C19orf25: variants seen among roughly 807,000 people sequenced by gnomAD.
The protein encoded by C19orf25 is chromosome 19 open reading frame 25, also known as UPF0449 protein C19orf25.
A neutral mutation model predicts 3.1 loss-of-function variants in C19orf25; 1 was observed. The observed-to-expected ratio is 0.32, with a 90% CI of 0.12 to 1.54. The LOEUF (loss-of-function observed/expected upper bound fraction) is 1.54. C19orf25 is among the 40% of genes most tolerant of loss of function. The pLI, the probability that C19orf25 is intolerant of heterozygous loss-of-function variation, is 0.38. For missense variants in C19orf25, 196 were observed against 160.4 expected, an observed-to-expected ratio of 1.22 and a Z score of -1.20; for synonymous variants, 91 against 74.3, an observed-to-expected ratio of 1.23 and a Z score of -1.16.
At chr19:1,477,413 A>G (rs572340287) in intron 2 of C19orf25, among the ~76,000 whole-genome samples, 1 of 152,380 alleles carries the variant, frequency 6.6e-6, no homozygotes, top group East Asian at 1.9e-4. Flanking sequence ...CCCAGCACAC[A>G]GGAAGTGCTC....
rs189166674 is a variant in C19orf25, at chr19:1,478,000, C to T, written c.130+774G>A. Among the ~76,000 whole-genome samples the T allele has an allele frequency of 4.1e-3, 626 of 152,136 alleles. 2 individuals carry two copies. The highest frequency in any genetic ancestry group is 0.014 in the African/African-American group (562 of 41,504). On this transcript the variant is annotated intron_variant, in intron 2 of 2. Coordinates refer to ENST00000585675, the MANE Select transcript of C19orf25 (RefSeq NM_152482.3). ...GATTACAGGCCCATGCCACCACACC[C>T]GGCTAATTTTTGTATTTTTAGTAGA...
rs983680806 is a variant in C19orf25 at position 1,479,168 on chromosome 19, C to T, written c.-8G>A. ...AGTCGCCGGCCTCTTCCCACCTGGG[C>T]GCGGGACCCGAAAGCCCAGCGTCGA... On this transcript the variant is annotated 5_prime_UTR_variant, in exon 1 of 3. Transcript: ENST00000585675. 1 of 1,278,260 alleles carries T rather than the reference C, an allele frequency of 7.8e-7. No individual in the cohort carries two copies. Among genetic ancestry groups the T allele is most frequent in the Non-Finnish European group, 9.9e-7 (1 of 1,013,538 alleles). 79.2% of individuals were successfully genotyped at this position (1,278,260 alleles called of 1,614,324 possible).
In C19orf25 at chr19:1,475,125, C is replaced by T. The variant is rs2084191366; in HGVS notation, c.264G>A (p.Glu88=). 1.2e-6 allele frequency: 2 copies of T among 1,602,054 alleles called. No individual in the cohort carries two copies. Among genetic ancestry groups the T allele is most frequent in the East Asian group, 2.3e-5 (1 of 44,256 alleles). Residue 88 remains glutamate, a synonymous_variant, in exon 3 of 3, where the codon GAG becomes GAA. Transcript: ENST00000585675. ...QAGNVLRQRC[E]LLQRAGEDLE... is the part of the protein sequence containing the mutation. ...GGTCCTCGCCGGCTCGCTGCAGGAG[C>T]TCACACCTCTGCCTCAGCACGTTGC...
rs1054336230 is a variant in C19orf25 at position 1,478,799 on chromosome 19, T to C, written c.105A>G (p.Pro35=). The C allele has an allele frequency of 2.0e-5, 32 of 1,582,170 alleles. No homozygotes were observed. The highest frequency in any genetic ancestry group is 2.6e-5 in the Non-Finnish European group (30 of 1,165,286). The change falls in exon 2 of 3, where the codon CCA becomes CCG. Residue 35 remains proline (P), a synonymous_variant. Transcript: ENST00000585675. ...CTTCCGGGGCCAGGATGGTGAACACTGGATCCTCTGCCGGCGCACCCCGCA... is the reference window on the plus strand; with the variant it reads ...CTTCCGGGGCCAGGATGGTGAACACCGGATCCTCTGCCGGCGCACCCCGCA... The part of the protein sequence containing the change: ...EDVRGAPAED[P]VFTILAPEDP...
intron 2 of C19orf25, 164 bp downstream of exon 2, chr19:1,478,610 C>G (rs1224998901): frequency 7.1e-7 from 1 of 1,409,946 alleles, no homozygotes. Context: ...AAAATCGGTC[C>G]CACTCTACGG....
chr19:1,476,599 C>A (rs117544888), intron 2 of C19orf25: 5,219 of 313,742 alleles, frequency 0.017, 69 homozygotes, highest in Non-Finnish European at 0.024. Flanking sequence ...ATGTGTGGCT[C>A]CTGGGCACTT....
Position 1,479,162 on chromosome 19 carries a change from C to T in C19orf25, c.-3+1G>A. ...CACCCCAGTCGCCGGCCTCTTCCCA[C>T]CTGGGCGCGGGACCCGAAAGCCCAG... On this transcript the variant is annotated splice_donor_variant, in intron 1 of 2. Coordinates refer to ENST00000585675, the MANE Select transcript of C19orf25 (RefSeq NM_152482.3). LOFTEE classifies it low-confidence loss of function (5UTR_SPLICE). The T allele has an allele frequency of 1.6e-6, 2 of 1,280,034 alleles. No homozygotes were observed. The highest frequency in any genetic ancestry group is 2.0e-6 in the Non-Finnish European group (2 of 1,014,696). 79.3% of individuals were successfully genotyped at this position (1,280,034 alleles called of 1,614,324 possible). A position where few individuals can be genotyped will look rare whatever the true frequency, so the allele number is the denominator to read the frequency against.
In C19orf25 at chr19:1,474,701, A is replaced by T. The variant is rs754593314; in HGVS notation, c.*331T>A. 2.2e-5 allele frequency: 23 copies of T among 1,045,022 alleles called. No homozygotes were observed. Among genetic ancestry groups the T allele is most frequent in the South Asian group, 1.5e-4 (8 of 52,276 alleles). 64.7% of individuals were successfully genotyped at this position (1,045,022 alleles called of 1,614,324 possible). ...GAGTGCCTGCCCCGGGAGAGGAAGGAGGTGGCACCTGCTCCCAGGGGCCCC... is the reference window on the plus strand; with the variant it reads ...GAGTGCCTGCCCCGGGAGAGGAAGGTGGTGGCACCTGCTCCCAGGGGCCCC... On this transcript the variant is annotated 3_prime_UTR_variant, in exon 3 of 3. Transcript: ENST00000585675.
chr19:1,477,805 A>G (rs1311331325), intron 2 of C19orf25, among the ~76,000 whole-genome samples: 5 of 152,148 alleles, frequency 3.3e-5, no homozygotes, highest in Non-Finnish European at 7.3e-5. Flanking sequence ...GCCCTAGCTT[A>G]CCACCTCTGT....
intron 2 of C19orf25, among the ~76,000 whole-genome samples, chr19:1,476,725 T>C (rs923617854): frequency 8.5e-5 from 13 of 152,130 alleles, no homozygotes; most frequent in African/African-American, 3.1e-4. Flanking sequence ...CAAGCAACCC[T>C]CCTGCCTCAG....
In C19orf25 at chr19:1,475,261, G is replaced by C; in HGVS notation, c.131-3C>G. The C allele has an allele frequency of 1.3e-6, 2 of 1,544,718 alleles. No individual in the cohort carries two copies. The highest frequency in any genetic ancestry group is 2.4e-5 in the East Asian group (1 of 40,852). On this transcript the variant is annotated splice_polypyrimidine_tract_variant and splice_region_variant and intron_variant, in intron 2 of 2. Transcript: ENST00000585675. ...CATCCTGAAGGGAACTGGGGGGTCT[G>C]AGACAGGACACAGCAGCATCACTGC...
Position 1,478,624 on chromosome 19 carries a change from A to G in C19orf25, c.130+150T>C, listed in dbSNP as rs1436666024. The G allele has an allele frequency of 2.8e-6, 4 of 1,438,498 alleles. No individual in the cohort carries two copies. The East Asian group carries it at 8.2e-5, about 30-fold the overall frequency. 89.1% of individuals were successfully genotyped at this position (1,438,498 alleles called of 1,614,324 possible). On this transcript the variant is annotated intron_variant, in intron 2 of 2. Coordinates refer to ENST00000585675, the MANE Select transcript of C19orf25 (RefSeq NM_152482.3). ...GAAAATCGGTCCCACTCTACGGAGG[A>G]GTAGAGGGAGACTCGGAGAGGATAC... is the stretch of plus-strand genomic sequence containing the variant.
intron 2 of C19orf25, chr19:1,475,592 G>A (rs1456235773): frequency 7.2e-6 from 2 of 279,016 alleles, no homozygotes; most frequent in Non-Finnish European, 1.4e-5. Context: ...TGGAGGCAGA[G>A]GCAGGAGGAT....
chr19:1,476,418 G>A (rs917764686), intron 2 of C19orf25: 20 of 396,728 alleles, frequency 5.0e-5, no homozygotes, highest in Non-Finnish European at 7.5e-5. Context: ...ACACTCAACG[G>A]CCATGGACCT....
chr19:1,476,405 G>C, intron 2 of C19orf25: 1 of 397,218 alleles, frequency 2.5e-6, no homozygotes, highest in Non-Finnish European at 4.4e-6. Context: ...CCTCAGTTTC[G>C]CCACACTCAA....
At chr19:1,477,212 G>A (rs1869111835) in intron 2 of C19orf25, among the ~76,000 whole-genome samples, 1 of 152,060 alleles carries the variant, frequency 6.6e-6, no homozygotes, top group Non-Finnish European at 1.5e-5. Context: ...ATGTTGGCCA[G>A]GGTGGCCTTG....
chr19:1,478,245 ATT>A (rs543535192), intron 2 of C19orf25, among the ~76,000 whole-genome samples: 6 of 140,358 alleles, frequency 4.3e-5, no homozygotes, highest in Non-Finnish European at 6.2e-5. Context: ...ACACCCAGTA[ATT>A]TTTTTTTTTT....
rs570931218 is a variant in C19orf25, at chr19:1,475,181, C to T, written c.208G>A (p.Val70Met). The change falls in exon 3 of 3, where the codon GTG (valine) becomes ATG (methionine). Residue 70 changes from valine to methionine, a missense_variant. Physicochemically the swap from Val to Met is conservative, Grantham distance 21 (BLOSUM62 1). Transcript: ENST00000585675. ...EQLYQQSRAY[V>M]AANQRLQQAG... The stretch of plus-strand genomic sequence containing the variant: ...TGCTGCAGCCGCTGGTTGGCAGCCA[C>T]GTAGGCCCGGCTTTGCTGGTAGAGC... The T allele has an allele frequency of 1.2e-5, 19 of 1,573,408 alleles. No homozygotes were observed. In the East Asian group the frequency reaches 1.7e-4, roughly 14 times the overall value.
At position 1,473,358 on chromosome 19, in the gene C19orf25, AG is replaced by A. The variant is rs796445858; in HGVS notation, c.*1673del. 8 of 152,412 alleles carry A rather than the reference AG, an allele frequency of 5.2e-5. No individual in the cohort carries two copies. Among genetic ancestry groups the A allele is most frequent in the African/African-American group, 1.9e-4 (8 of 41,594 alleles). 9.4% of individuals were successfully genotyped at this position (152,412 alleles called of 1,614,324 possible). ...AGGTTAGATCCCTGGAAGCAGAGCCAGAAAGCAGAAACTGGGGGCACAGGGT... is the reference window on the plus strand; with the variant it reads ...AGGTTAGATCCCTGGAAGCAGAGCCAAAAGCAGAAACTGGGGGCACAGGGT... On this transcript the variant is annotated 3_prime_UTR_variant, in exon 3 of 3. Coordinates refer to ENST00000585675, the MANE Select transcript of C19orf25 (RefSeq NM_152482.3).
Sources: allele counts gnomAD v4.1 joint callset (sites outside exome capture counted in the v4.1 genomes callset), GRCh38; gene constraint gnomAD v4.1.1; transcripts MANE v1.5; gene names NCBI Gene and HGNC (gene_info 2026-07-23, HGNC 2026-07-21).